Variants in LSP1 observed in about 807,000 individuals in gnomAD.
LSP1 encodes the protein lymphocyte specific protein 1, also known as lymphocyte-specific protein 1.
In LSP1, 32 loss-of-function variants were observed where a neutral mutation model predicts 49.3. The observed-to-expected ratio is 0.65, with a 90% confidence interval of 0.49 to 0.87. The LOEUF (loss-of-function observed/expected upper bound fraction) is 0.87, where lower values mean the gene tolerates loss of function less well. Ranked by LOEUF, LSP1 falls within the 40% of genes least tolerant of loss-of-function variation. The probability of loss-of-function intolerance (pLI) is 0.00; values close to 1 mark genes in which losing one functional copy is unlikely to be tolerated. For synonymous variants in LSP1, 179 were observed against 178.8 expected (o/e 1.00, Z -0.01); for missense variants, 428 against 442.6 (o/e 0.97, Z 0.30).
At position 1,871,258 on chromosome 11, in the gene LSP1, C is replaced by T. The variant is rs368012704; in HGVS notation, c.54-8829C>T. On this transcript the variant is annotated intron_variant, in intron 1 of 10. Coordinates refer to ENST00000311604, the MANE Select transcript of LSP1 (RefSeq NM_002339.3). ...GCAGGCAGAGCCGCAGCCACGCCGC[C>T]GGGATGCAGCAGGCAGGGCCACCCA... The T allele has an allele frequency of 7.3e-5, 72 of 986,836 alleles. No homozygotes were observed. In the African/African-American group the frequency reaches 9.8e-4, roughly 13 times the overall value. 61.1% of individuals were successfully genotyped at this position (986,836 alleles called of 1,614,324 possible).
intron 1 of LSP1, among the ~76,000 whole-genome samples, chr11:1,861,003 T>C (rs1245299091): frequency 3.9e-5 from 6 of 152,136 alleles, no homozygotes; most frequent in Non-Finnish European, 5.9e-5. Context: ...AGTAGAAAGA[T>C]AGATAGATAA....
chr11:1,867,918 G>A (rs1240017700), intron 1 of LSP1, among the ~76,000 whole-genome samples: 1 of 151,734 alleles, frequency 6.6e-6, no homozygotes, highest in African/African-American at 2.4e-5. Flanking sequence ...TTTTCTCCAG[G>A]TCTGGCTGTA....
At chr11:1,869,753 G>A (rs1253377354) in intron 1 of LSP1, 1 of 469,674 alleles carries the variant, frequency 2.1e-6, no homozygotes, top group South Asian at 1.6e-5. Context: ...AGCTTGCCAA[G>A]GAGAGGGCGG....
intron 1 of LSP1, chr11:1,870,304 C>T (rs1358991615): frequency 7.7e-7 from 1 of 1,297,614 alleles, no homozygotes; most frequent in African/African-American, 1.5e-5. Context: ...TTACTCCCAT[C>T]CTGGGGCTTG....
intron 1 of LSP1, among the ~76,000 whole-genome samples, chr11:1,877,461 G>A (rs1848359570): frequency 6.6e-6 from 1 of 152,150 alleles, no homozygotes; most frequent in Non-Finnish European, 1.5e-5. Context: ...CCCTAGCCAG[G>A]GAGAGCTCAG....
intron 1 of LSP1, among the ~76,000 whole-genome samples, chr11:1,871,641 T>C (rs948861842): frequency 2.6e-5 from 4 of 152,194 alleles, no homozygotes; most frequent in Non-Finnish European, 5.9e-5. Context: ...AGATGCCCTT[T>C]GGTCAGCGCT....
intron 1 of LSP1, chr11:1,870,480 C>A: frequency 1.7e-6 from 2 of 1,194,662 alleles, no homozygotes; most frequent in Non-Finnish European, 2.1e-6. Context: ...GGGGAGGGGC[C>A]GGTGGCCAGG....
chr11:1,857,578 G>A (rs1050913898), intron 1 of LSP1, among the ~76,000 whole-genome samples: 3 of 152,222 alleles, frequency 2.0e-5, no homozygotes, highest in African/African-American at 7.2e-5. Context: ...TGCTGGGGCG[G>A]CGGGAGGGGG....
chr11:1,870,316 C>T, intron 1 of LSP1: 1 of 1,294,758 alleles, frequency 7.7e-7, no homozygotes, highest in East Asian at 5.6e-5. Flanking sequence ...TGGGGCTTGG[C>T]AGGGGGTGCC....
At chr11:1,855,524 G>C (rs751064244) in intron 1 of LSP1, among the ~76,000 whole-genome samples, 1 of 152,168 alleles carries the variant, frequency 6.6e-6, no homozygotes, top group South Asian at 2.1e-4. Flanking sequence ...TGCCCGGGAC[G>C]GGGCCAGATT....
chr11:1,883,576 C>T lies in LSP1; in HGVS notation c.498+16C>T, dbSNP rs1231155497. 4 of 1,598,694 alleles carry T rather than the reference C, an allele frequency of 2.5e-6. No homozygotes were observed. In the Admixed American group the frequency reaches 5.3e-5, roughly 21 times the overall value. ...ACAGGAGGAGGTGATGGCTCCACCTCAGAGGGTCTGGGTGTACCCCCACCC... is the reference window on the plus strand; with the variant it reads ...ACAGGAGGAGGTGATGGCTCCACCTTAGAGGGTCTGGGTGTACCCCCACCC... On this transcript the variant is annotated intron_variant, in intron 4 of 10. Transcript: ENST00000311604.
At chr11:1,878,762 T>G (rs971225514) in intron 1 of LSP1, among the ~76,000 whole-genome samples, 1 of 152,156 alleles carries the variant, frequency 6.6e-6, no homozygotes, top group Non-Finnish European at 1.5e-5. Flanking sequence ...TGTTCTGGCC[T>G]GGGCTCCCTC....
chr11:1,866,823 G>T, intron 1 of LSP1: 1 of 1,549,798 alleles, frequency 6.5e-7, no homozygotes, highest in Non-Finnish European at 8.7e-7. Flanking sequence ...CAGAGCCCCT[G>T]CCTGGCTGTG....
At chr11:1,879,947 G>A (rs1380059027) in intron 1 of LSP1, 140 bp from the exon 2 acceptor site, 2 of 987,608 alleles carry the variant, frequency 2.0e-6, no homozygotes, top group East Asian at 2.8e-5. Flanking sequence ...TGAGGCCTGA[G>A]GGCCGGCCTG....
rs187194276 is a variant in LSP1, at chr11:1,891,129, C to T, written c.*14-644C>T. 4.7e-4 allele frequency: 73 copies of T among 156,136 alleles called. No individual in the cohort carries two copies. In the East Asian group the frequency reaches 0.012, roughly 26 times the overall value. 9.7% of individuals were successfully genotyped at this position (156,136 alleles called of 1,614,324 possible). A position where few individuals can be genotyped will look rare whatever the true frequency, so the allele number is the denominator to read the frequency against. On this transcript the variant is annotated intron_variant, in intron 10 of 10. Transcript: ENST00000311604. ...TGGCGGCCAAGAGGCTTGGGAAAGC[C>T]GAGGCTGCATCATCAGAGGTAGATT...
rs1565087082 is a variant in LSP1, at chr11:1,883,943, T to TG, written c.510_511insG (p.Gln171AlafsTer43). ...TTTTTTTTTTCTAGCACCAGAAATG[T>TG]CAGCAGCCCAGGACACCCAGCCCCT... is the stretch of plus-strand genomic sequence containing the variant. On this transcript the variant is annotated frameshift_variant, in exon 5 of 11. Coordinates refer to ENST00000311604, the MANE Select transcript of LSP1 (RefSeq NM_002339.3). LOFTEE classifies it high-confidence loss of function. 9.3e-6 allele frequency: 15 copies of TG among 1,605,176 alleles called. No homozygotes were observed. The highest frequency in any genetic ancestry group is 1.3e-5 in the Non-Finnish European group (15 of 1,177,384).
chr11:1,853,299 CT>C, intron 1 of LSP1, 102 bp downstream of exon 1: 2 of 1,304,688 alleles, frequency 1.5e-6, no homozygotes, highest in South Asian at 2.9e-5. Context: ...GATGGGGAAT[CT>C]GGGGCCCCCA....
intron 1 of LSP1, among the ~76,000 whole-genome samples, chr11:1,858,285 C>T (rs893575801): frequency 4.6e-5 from 7 of 152,186 alleles, no homozygotes; most frequent in African/African-American, 7.2e-5. Flanking sequence ...CTGGGCTGCC[C>T]TTCCCGGGGT....
At chr11:1,879,190 A>C (rs1396043959) in intron 1 of LSP1, among the ~76,000 whole-genome samples, 1 of 152,126 alleles carries the variant, frequency 6.6e-6, no homozygotes, top group Non-Finnish European at 1.5e-5. Flanking sequence ...ACTAAAAAAT[A>C]CAAAATTAGC....
Sources: gnomAD v4.1 joint callset for allele counts (sites outside exome capture counted in the v4.1 genomes callset) on GRCh38, gnomAD v4.1.1 for gene constraint, MANE v1.5 for transcripts, NCBI Gene and HGNC (gene_info 2026-07-23, HGNC 2026-07-21) for gene names.